ZNF254: variants seen among roughly 807,000 people sequenced by gnomAD.
The protein encoded by ZNF254 is zinc finger protein 254.
In ZNF254, 10 loss-of-function variants were observed where a neutral mutation model predicts 12.4. The observed-to-expected ratio is 0.80, with a 90% CI of 0.50 to 1.36. The LOEUF is 1.36. Ranked by LOEUF, ZNF254 falls within the 40% of genes most tolerant of loss-of-function variation. ZNF254 has a pLI of 0.00. For missense variants in ZNF254, 996 were observed against 763.9 expected, an observed-to-expected ratio of 1.30 and a Z score of -3.58; for synonymous variants, 305 against 253.4, an observed-to-expected ratio of 1.20 and a Z score of -1.93.
At position 24,127,447 on chromosome 19, in the gene ZNF254, A is replaced by G. The variant is rs755328629; in HGVS notation, c.1447A>G (p.Met483Val). ...CTCAACCCTAACTAGACATAAGAGG[A>G]TGCACACTGGAGAGAAACCCTACAA... ...WSSTLTRHKR[M>V]HTGEKPYKCE... The change falls in exon 4 of 4, where the codon ATG becomes GTG. Residue 483 changes from methionine to valine, a missense_variant. Met to Val is a conservative substitution (Grantham distance 21, BLOSUM62 1). Transcript: ENST00000357002. 1.2e-6 allele frequency: 2 copies of G among 1,612,772 alleles called. No homozygotes were observed. Among genetic ancestry groups the G allele is most frequent in the African/African-American group, 1.3e-5 (1 of 74,990 alleles).
intron 1 of ZNF254, among the ~76,000 whole-genome samples, chr19:24,041,578 G>A (rs1295204090): frequency 2.6e-5 from 4 of 152,232 alleles, no homozygotes; most frequent in Non-Finnish European, 4.4e-5. Context: ...CCTGCAGCCC[G>A]CCATGCCTGA....
At chr19:24,111,890 T>G (rs1427539905) in intron 3 of ZNF254, among the ~76,000 whole-genome samples, 1 of 152,114 alleles carries the variant, frequency 6.6e-6, no homozygotes, top group South Asian at 2.1e-4. Flanking sequence ...TTTCTCCCAT[T>G]TTGTAGGTTG....
At chr19:24,084,961 C>T (rs1205157578), upstream of ZNF254, among the ~76,000 whole-genome samples, 1 of 143,310 alleles carries the variant, frequency 7.0e-6, no homozygotes. Context: ...GAGACAGAGC[C>T]TCACTCTGTC....
rs1911426698 is a variant in ZNF254 at position 24,128,180 on chromosome 19, G to GGTAAGATAATTCATACTGGA, written c.*202_*221dup. 1 of 545,378 alleles carries GGTAAGATAATTCATACTGGA rather than the reference G, an allele frequency of 1.8e-6. No homozygotes were observed. Among genetic ancestry groups the GGTAAGATAATTCATACTGGA allele is most frequent in the Non-Finnish European group, 2.9e-6 (1 of 342,502 alleles). The allele number at this position is 545,378 out of a possible 1,614,324, so 33.8% of individuals were successfully genotyped here. On this transcript the variant is annotated 3_prime_UTR_variant, in exon 4 of 4. Coordinates refer to ENST00000357002, the MANE Select transcript of ZNF254 (RefSeq NM_203282.4). ...TAAATGATTGTCACACTTGATTGTA[G>GGTAAGATAATTCATACTGGA]GTAAGATAATTCATACTGGAGAAAA...
chr19:24,125,446 TA>T (rs1306002464), intron 3 of ZNF254, among the ~76,000 whole-genome samples: 1 of 152,012 alleles, frequency 6.6e-6, no homozygotes, highest in Non-Finnish European at 1.5e-5. Flanking sequence ...AATTTTGTGA[TA>T]TTTTTGGTGG....
At chr19:24,094,972 C>G (rs1470176603) in intron 1 of ZNF254, among the ~76,000 whole-genome samples, 1 of 152,194 alleles carries the variant, frequency 6.6e-6, no homozygotes, top group Admixed American at 6.5e-5. Flanking sequence ...CAGGCATGAG[C>G]CACTGCACCC....
At chr19:24,108,539 G>T (rs1029271452) in intron 3 of ZNF254, among the ~76,000 whole-genome samples, 2 of 152,044 alleles carry the variant, frequency 1.3e-5, no homozygotes, top group African/African-American at 2.4e-5. Context: ...CATAACCCAG[G>T]CAGGTCTTAA....
At chr19:24,106,875 C>T (rs558290355) in intron 3 of ZNF254, 66 of 432,934 alleles carry the variant, frequency 1.5e-4, no homozygotes, top group Admixed American at 6.6e-4. Context: ...CAGTGACAGC[C>T]GAAGTACTGT....
exon 1 of ZNF254, chr19:24,033,506 C>T: frequency 4.6e-6 from 1 of 218,972 alleles, no homozygotes. Context: ...TGCTCTTCTG[C>T]ATTCTCCACC....
At chr19:24,123,119 G>C (rs1335773551) in intron 3 of ZNF254, among the ~76,000 whole-genome samples, 1 of 152,082 alleles carries the variant, frequency 6.6e-6, no homozygotes, top group South Asian at 2.1e-4. Flanking sequence ...CTGTTGCATT[G>C]AGCTGGATGG....
intron 2 of ZNF254, among the ~76,000 whole-genome samples, chr19:24,056,469 C>T (rs1229314008): frequency 6.6e-6 from 1 of 152,080 alleles, no homozygotes; most frequent in African/African-American, 2.4e-5. Flanking sequence ...GAGATGGAGA[C>T]ATATTGTGGA....
At chr19:24,051,202 G>T (rs112199258) in intron 2 of ZNF254, among the ~76,000 whole-genome samples, 99 of 152,246 alleles carry the variant, frequency 6.5e-4, no homozygotes, top group African/African-American at 2.3e-3. Context: ...TTGTTGCCCC[G>T]GCTGGAGTGC....
At chr19:24,090,427 T>A (rs531953256) in intron 1 of ZNF254, among the ~76,000 whole-genome samples, 6 of 152,130 alleles carry the variant, frequency 3.9e-5, no homozygotes, top group Non-Finnish European at 8.8e-5. Flanking sequence ...TTTTCACTTA[T>A]TTTGACCTAA....
chr19:24,039,227 T>G (rs17725682), intron 1 of ZNF254, among the ~76,000 whole-genome samples: 1 of 152,200 alleles, frequency 6.6e-6, no homozygotes, highest in African/African-American at 2.4e-5. Context: ...CTTTGGATCT[T>G]GTCCAGTGAA....
At chr19:24,107,406 T>C (rs1973413532) in intron 3 of ZNF254, 3 of 403,188 alleles carry the variant, frequency 7.4e-6, no homozygotes, top group African/African-American at 4.1e-5. Context: ...GAAAGATTTA[T>C]GAGCTCCTTG....
In ZNF254 at chr19:24,127,823, G is replaced by C. The variant is rs1248265507; in HGVS notation, c.1823G>C (p.Gly608Ala). Residue 608 changes from glycine to alanine, a missense_variant, in exon 4 of 4, where the codon GGC (glycine) becomes GCC (alanine). By Grantham distance (60) the Gly-to-Ala change is moderately conservative (BLOSUM62 0). Transcript: ENST00000357002. The part of the protein sequence containing the change: ...GVKPYKCEEC[G>A]KAFFWSSTLT... ...AAACCCTACAAATGTGAAGAATGTG[G>C]CAAAGCATTTTTCTGGTCCTCAACC... is the stretch of plus-strand genomic sequence containing the variant. The C allele has an allele frequency of 2.5e-6, 4 of 1,613,136 alleles. No homozygotes were observed. The South Asian group carries it at 4.4e-5, about 18-fold the overall frequency.
Position 24,034,488 on chromosome 19 carries a change from GTTTT to G in ZNF254, c.-190+886_-190+889del, listed in dbSNP as rs963358053. Among the ~76,000 whole-genome samples, 588 of 107,338 alleles carry G rather than the reference GTTTT, an allele frequency of 5.5e-3. 3 individuals are homozygous for G. The highest frequency in any genetic ancestry group is 0.011 in the African/African-American group (322 of 28,268). The allele number at this position is 107,338 out of a possible 152,430, so 70.4% of individuals were successfully genotyped here. On this transcript the variant is annotated intron_variant, in intron 1 of 4. Coordinates refer to the ZNF254 transcript ENST00000613065. ...GACAAATTTAGATTTAGGTAAGTGG[GTTTT>G]TTTTTTTTTTTTTTTTTTCTTTTGT... is the stretch of plus-strand genomic sequence containing the variant.
intron 3 of ZNF254, among the ~76,000 whole-genome samples, chr19:24,125,492 CTTGA>C (rs1974772983): frequency 6.7e-6 from 1 of 150,162 alleles, no homozygotes; most frequent in Non-Finnish European, 1.5e-5. Context: ...TATTATAATC[CTTGA>C]TTAAGATTTA....
At chr19:24,056,453 G>A (rs567751022) in intron 2 of ZNF254, among the ~76,000 whole-genome samples, 2 of 152,234 alleles carry the variant, frequency 1.3e-5, no homozygotes, top group African/African-American at 4.8e-5. Context: ...AGTTCTGCTG[G>A]CAAGGGAGAT....
Sources: gnomAD v4.1 joint callset for allele counts (sites outside exome capture counted in the v4.1 genomes callset) on GRCh38, gnomAD v4.1.1 for gene constraint, MANE v1.5 for transcripts, NCBI Gene and HGNC (gene_info 2026-07-23, HGNC 2026-07-21) for gene names.